Variants in SCML2 observed in about 807,000 individuals in gnomAD.
SCML2 encodes Scm polycomb group protein like 2.
A neutral mutation model predicts 48.4 loss-of-function variants in SCML2; 6 were observed. That is an observed-to-expected ratio of 0.12 (90% CI 0.07 to 0.24). The LOEUF is 0.24. Ranked by LOEUF, SCML2 falls within the 10% of genes least tolerant of loss-of-function variation. The pLI is 1.00. For missense variants in SCML2, 377 were observed against 528.2 expected, an observed-to-expected ratio of 0.71 and a Z score of 2.81; for synonymous variants, 181 against 189.5, an observed-to-expected ratio of 0.95 and a Z score of 0.37.
At chrX:18,312,725 T>C (rs775023730) in intron 6 of SCML2, among the ~76,000 whole-genome samples, 1 of 110,624 alleles carries the variant, frequency 9.0e-6, no homozygotes, top group African/African-American at 3.3e-5. Context: ...TTCCCCTCCC[T>C]GAGATAGGGA....
In SCML2 at chrX:18,333,159, C is replaced by A. The variant is rs976550287; in HGVS notation, c.22+891G>T. Among the ~76,000 whole-genome samples the A allele has an allele frequency of 1.6e-4, 18 of 109,632 alleles. No homozygotes were observed. In the South Asian group the frequency reaches 2.0e-3, roughly 12 times the overall value. ...AGGTGTGGTAGCTCACGTCTGTGGC[C>A]CCAGCCTCTCAGGAGGCTAAGGCAA... is the stretch of plus-strand genomic sequence containing the variant. On this transcript the variant is annotated intron_variant, in intron 2 of 14. Coordinates refer to ENST00000251900, the MANE Select transcript of SCML2 (RefSeq NM_006089.3).
At chrX:18,271,665 C>T (rs1467365789) in intron 7 of SCML2, among the ~76,000 whole-genome samples, 3 of 109,672 alleles carry the variant, frequency 2.7e-5, no homozygotes, top group Non-Finnish European at 3.8e-5. Flanking sequence ...TCCCCCACCC[C>T]CCTGCCCAGT....
chrX:18,281,842 G>A (rs1437257433), intron 7 of SCML2, among the ~76,000 whole-genome samples: 2 of 110,976 alleles, frequency 1.8e-5, no homozygotes, highest in African/African-American at 6.5e-5. Flanking sequence ...GTGAGACATA[G>A]GCTGGGCGCT....
chrX:18,318,754 G>A (rs5955964), intron 6 of SCML2, among the ~76,000 whole-genome samples: 3 of 111,855 alleles, frequency 2.7e-5, no homozygotes. Flanking sequence ...GCTTCCAGTA[G>A]AGCACTCTTT....
In SCML2 at chrX:18,303,702, AG is replaced by A. The variant is rs1169078426; in HGVS notation, c.730+1269del. Among the ~76,000 whole-genome samples, 4 of 112,253 alleles carry A rather than the reference AG, an allele frequency of 3.6e-5. No individual in the cohort carries two copies. The Admixed American group carries it at 3.8e-4, about 11-fold the overall frequency. ...ATTTATCTTAATATCATATACACAC[AG>A]ATCTGTATCATACTAAATTTTACAA... On this transcript the variant is annotated intron_variant, in intron 7 of 14. Coordinates refer to ENST00000251900, the MANE Select transcript of SCML2 (RefSeq NM_006089.3).
intron 1 of SCML2, among the ~76,000 whole-genome samples, chrX:18,337,669 T>C (rs1407449971): frequency 8.9e-6 from 1 of 111,741 alleles, no homozygotes; most frequent in Non-Finnish European, 1.9e-5. Context: ...ACTATTATAG[T>C]AGGAGACTTC....
chrX:18,294,501 C>T (rs1471846279), intron 7 of SCML2, among the ~76,000 whole-genome samples: 3 of 111,090 alleles, frequency 2.7e-5, no homozygotes, highest in African/African-American at 9.8e-5. Context: ...AGAGATCATG[C>T]AACATCATTG....
intron 2 of SCML2, 32 bp downstream of exon 2, chrX:18,334,018 A>G: frequency 8.6e-7 from 1 of 1,163,705 alleles, no homozygotes; most frequent in Non-Finnish European, 1.2e-6. Flanking sequence ...GAGTAACTAA[A>G]AACATTATTG....
At chrX:18,313,197 T>C (rs1187261731) in intron 6 of SCML2, among the ~76,000 whole-genome samples, 4 of 111,234 alleles carry the variant, frequency 3.6e-5, no homozygotes, top group African/African-American at 9.8e-5. Flanking sequence ...ACTTAGCTGC[T>C]GCTATGGTTT....
chrX:18,286,912 G>C (rs1928072571), intron 7 of SCML2, among the ~76,000 whole-genome samples: 1 of 110,730 alleles, frequency 9.0e-6, no homozygotes, highest in African/African-American at 3.3e-5. Flanking sequence ...AATTGTACCT[G>C]CCTTTTCATA....
At position 18,256,977 on chromosome X, in the gene SCML2, A is replaced by C. The variant is rs1255652590; in HGVS notation, c.1327T>G (p.Ser443Ala). 8.3e-7 allele frequency: 1 copy of C among 1,204,978 alleles called. No individual in the cohort carries two copies. Among genetic ancestry groups the C allele is most frequent in the African/African-American group, 1.8e-5 (1 of 56,856 alleles). ...TTCTCAAGAAAGCGAAGAGCAAATG[A>C]TGCACTGTTCACTGGAGGGAGCTGG... ...SIQLPPVNSA[S>A]FALRFLENFC... Residue 443 changes from serine (S) to alanine (A), a missense_variant, in exon 11 of 15, where the codon TCA (serine) becomes GCA (alanine). Transcript: ENST00000251900.
chrX:18,303,370 C>T lies in SCML2; in HGVS notation c.730+1602G>A, dbSNP rs986809062. Among the ~76,000 whole-genome samples, 4 of 111,726 alleles carry T rather than the reference C, an allele frequency of 3.6e-5. 1 individual carries two copies. In the East Asian group the frequency reaches 1.1e-3, roughly 32 times the overall value. On this transcript the variant is annotated intron_variant, in intron 7 of 14. Transcript: ENST00000251900. ...AACCCACTGTGTTCCAAAGTGAACT[C>T]GTCAGTTTTTAGGATAAACTGGAAT...
intron 7 of SCML2, among the ~76,000 whole-genome samples, chrX:18,298,406 A>G (rs1264281876): frequency 8.9e-6 from 1 of 112,353 alleles, no homozygotes; most frequent in African/African-American, 3.2e-5. Context: ...GTATTAATAT[A>G]AAAACAAATA....
At chrX:18,348,689 ACT>A (rs1319217568) in intron 1 of SCML2, among the ~76,000 whole-genome samples, 2 of 112,107 alleles carry the variant, frequency 1.8e-5, no homozygotes, top group African/African-American at 6.5e-5. Context: ...AAAAATTAAT[ACT>A]GACTATATTG....
intron 2 of SCML2, among the ~76,000 whole-genome samples, chrX:18,332,117 T>C (rs1182599602): frequency 8.9e-6 from 1 of 112,339 alleles, no homozygotes; most frequent in Non-Finnish European, 1.9e-5. Flanking sequence ...TCTAATTCTA[T>C]CATTCTTTAT....
At chrX:18,354,896 C>CT (rs764336371), upstream of SCML2, among the ~76,000 whole-genome samples, 45 of 112,178 alleles carry the variant, frequency 4.0e-4, no homozygotes, top group Non-Finnish European at 6.6e-4. Context: ...TGCCTCCTAC[C>CT]CCCCACGCCT....
At chrX:18,264,775 C>A (rs1174419976) in intron 8 of SCML2, among the ~76,000 whole-genome samples, 1 of 111,028 alleles carries the variant, frequency 9.0e-6, no homozygotes, top group Non-Finnish European at 1.9e-5. Flanking sequence ...TAATTTCATC[C>A]AGCCTCAGTT....
chrX:18,337,305 CAAAAAAAAAAAAAAAAAA>C (rs770888184), intron 1 of SCML2, among the ~76,000 whole-genome samples: 2 of 5,057 alleles, frequency 4.0e-4, no homozygotes, highest in Non-Finnish European at 7.3e-4. Flanking sequence ...GACTCTGTCT[CAAAAAAAAAAAAAAAAAA>C]AAAAAAAAAA....
In SCML2 at chrX:18,256,851, A is replaced by G; in HGVS notation, c.1453T>C (p.Ser485Pro). 8.5e-7 allele frequency: 1 copy of G among 1,174,596 alleles called. No homozygotes were observed. The highest frequency in any genetic ancestry group is 2.6e-5 in the Admixed American group (1 of 38,019). The part of the protein sequence containing the change: ...HSSAEHDKNQ[S>P]AKEDVTERQS... ...AAGAGTTTACATTTTCTCTCACCTG[A>G]CTGATTTTTATCATGCTCTGCAGAG... is the stretch of plus-strand genomic sequence containing the variant. Residue 485 changes from serine to proline, a missense_variant, in exon 11 of 15, where the codon TCA (serine) becomes CCA (proline). This residue lies in a region of SCML2 where 299 missense variants were observed against 425.5 expected (regional missense o/e 0.70). Coordinates refer to ENST00000251900, the MANE Select transcript of SCML2 (RefSeq NM_006089.3).
Sources: gnomAD v4.1 joint callset for allele counts (sites outside exome capture counted in the v4.1 genomes callset) on GRCh38, gnomAD v4.1.1 for gene constraint, gnomAD v4.1.1 regional missense constraint, MANE v1.5 for transcripts, NCBI Gene and HGNC (gene_info 2026-07-23, HGNC 2026-07-21) for gene names.